The following STAG3 variants were observed in gnomAD, a reference collection of about 807,000 sequenced individuals.
STAG3 encodes the protein cohesin subunit SA-3.
In STAG3, 101 loss-of-function variants were observed where a neutral mutation model predicts 160.7. That is an observed-to-expected ratio of 0.63 (90% CI 0.54 to 0.74). STAG3 has a LOEUF of 0.74. STAG3 is among the 30% of genes least tolerant of loss of function. The pLI, the probability that STAG3 is intolerant of heterozygous loss-of-function variation, is 0.00. For missense variants in STAG3, 1,188 were observed against 1,517.4 expected (o/e 0.78, Z 3.61); for synonymous variants, 519 against 585.0 (o/e 0.89, Z 1.63).
rs373884932 is a variant in STAG3 at position 100,198,827 on chromosome 7, G to T, written c.1353-16G>T. 1 of 1,605,588 alleles carries T rather than the reference G, an allele frequency of 6.2e-7. No homozygotes were observed. The highest frequency in any genetic ancestry group is 1.3e-5 in the African/African-American group (1 of 74,742). ...TCCTGTTGTGCTGAGCCCTTTCCTC[G>T]TGTCCATTCCACCAGACTCTTCTAC... is the stretch of plus-strand genomic sequence containing the variant. On this transcript the variant is annotated splice_polypyrimidine_tract_variant and intron_variant, in intron 13 of 33. Transcript: ENST00000615138.
chr7:100,199,209 G>A (rs1800901696), intron 14 of STAG3, 53 bp from the exon 15 acceptor site: 6 of 1,221,318 alleles, frequency 4.9e-6, no homozygotes, highest in Non-Finnish European at 7.3e-6. Flanking sequence ...TAACCACTTC[G>A]TAGGGTATTT....
At chr7:100,213,201 C>CTGCG in intron 32 of STAG3, 1 of 574,384 alleles carries the variant, frequency 1.7e-6, no homozygotes, top group Non-Finnish European at 2.2e-6. Flanking sequence ...TCCATGAGGG[C>CTGCG]TGCACCCCTA....
chr7:100,195,823 A>G (rs1411041273), intron 9 of STAG3, among the ~76,000 whole-genome samples: 1 of 152,166 alleles, frequency 6.6e-6, no homozygotes, highest in East Asian at 1.9e-4. Context: ...GACCTGATCA[A>G]ATTAAGTTAA....
At chr7:100,217,640 CA>C (rs1201548647), downstream of STAG3, among the ~76,000 whole-genome samples, 1 of 151,990 alleles carries the variant, frequency 6.6e-6, no homozygotes, top group East Asian at 1.9e-4. Flanking sequence ...GTATTCAAGG[CA>C]AAGGGGGCAG....
At position 100,214,024 on chromosome 7, in the gene STAG3, T is replaced by C. The variant is rs1412159198; in HGVS notation, c.*9T>C. 1 of 1,614,048 alleles carries C rather than the reference T, an allele frequency of 6.2e-7. No individual in the cohort carries two copies. The highest frequency in any genetic ancestry group is 1.3e-5 in the African/African-American group (1 of 74,922). Reference sequence around the variant, plus strand: ...CATTATAGGATTTCTGACAGGACTCTGGGCCCCTCCCCAGCTCCACTCCCT... The same window carrying C: ...CATTATAGGATTTCTGACAGGACTCCGGGCCCCTCCCCAGCTCCACTCCCT... On this transcript the variant is annotated 3_prime_UTR_variant, in exon 34 of 34. Transcript: ENST00000615138.
chr7:100,202,164 C>G lies in STAG3; in HGVS notation c.2395-8C>G. ...TCCTTTTAAACATCCTTTCTTTTCC[C>G]CCTACAGGCTTTTGTCTTATTAAGT... On this transcript the variant is annotated splice_polypyrimidine_tract_variant and splice_region_variant and intron_variant, in intron 23 of 33. Coordinates refer to ENST00000615138, the MANE Select transcript of STAG3 (RefSeq NM_001282717.2). 6.2e-7 allele frequency: 1 copy of G among 1,610,876 alleles called. No homozygotes were observed. The highest frequency in any genetic ancestry group is 8.5e-7 in the Non-Finnish European group (1 of 1,178,518).
chr7:100,183,167 C>T (rs577307892), intron 4 of STAG3, among the ~76,000 whole-genome samples: 2 of 152,308 alleles, frequency 1.3e-5, no homozygotes, highest in South Asian at 4.1e-4. Flanking sequence ...GCGTGTGCCA[C>T]CACGCCCAGC....
chr7:100,211,308 A>C, intron 30 of STAG3, 123 bp downstream of exon 30: 1 of 1,476,126 alleles, frequency 6.8e-7, no homozygotes, highest in Non-Finnish European at 9.2e-7. Flanking sequence ...GTTCTTCTCA[A>C]ACCCTTCTCC....
chr7:100,197,918 T>C, intron 11 of STAG3, 42 bp downstream of exon 11: 1 of 1,576,370 alleles, frequency 6.3e-7, no homozygotes, highest in Non-Finnish European at 8.7e-7. Flanking sequence ...TTTGTCGTGG[T>C]TCCTATTTCC....
downstream of STAG3, among the ~76,000 whole-genome samples, chr7:100,216,393 A>G (rs900474397): frequency 1.3e-5 from 2 of 152,238 alleles, no homozygotes; most frequent in African/African-American, 4.8e-5. Flanking sequence ...GTGTTTTAAA[A>G]TATTTCATTG....
rs771235625 is a variant in STAG3 at position 100,189,569 on chromosome 7, G to A, written c.840G>A (p.Leu280=). 4.3e-6 allele frequency: 7 copies of A among 1,613,686 alleles called. No individual in the cohort carries two copies. Among genetic ancestry groups the A allele is most frequent in the Admixed American group, 3.3e-5 (2 of 59,880 alleles). The part of the protein sequence containing the change: ...KGPGQRAPER[L]ESLLEKRKEL... ...CAGGGCAGAGGGCACCTGAGCGGCTGGAGAGCCTGTTGGAGAAACGCAAAG... is the reference window on the plus strand; with the variant it reads ...CAGGGCAGAGGGCACCTGAGCGGCTAGAGAGCCTGTTGGAGAAACGCAAAG... The change falls in exon 8 of 34, where the codon CTG becomes CTA. Residue 280 remains leucine, a synonymous_variant. Coordinates refer to ENST00000615138, the MANE Select transcript of STAG3 (RefSeq NM_001282717.2).
At position 100,205,195 on chromosome 7, in the gene STAG3, C is replaced by T. The variant is rs375370874; in HGVS notation, c.3081-32C>T. 2.5e-6 allele frequency: 4 copies of T among 1,613,334 alleles called. No homozygotes were observed. In the African/African-American group the frequency reaches 5.3e-5, roughly 22 times the overall value. ...AGGGCCTGCTGAGGGCCCAGTAGCC[C>T]CTTCAGGCTTTTGGTTCTACCTCTT... On this transcript the variant is annotated intron_variant, in intron 28 of 33. Transcript: ENST00000615138.
chr7:100,199,235 T>A (rs757919322), intron 14 of STAG3, 27 bp from the exon 15 acceptor site: 5 of 1,480,172 alleles, frequency 3.4e-6, no homozygotes, highest in Non-Finnish European at 4.7e-6. Flanking sequence ...ATGCTATCAT[T>A]AACTCCCCAT....
Position 100,211,461 on chromosome 7 carries a change from G to T in STAG3, c.3440G>T (p.Arg1147Met), listed in dbSNP as rs1802197374. Reference protein sequence around the residue: ...QGSQPVAGTERSRFLGPQYFQ... With the variant: ...QGSQPVAGTEMSRFLGPQYFQ... ...AGTCAGCCCGTCGCAGGCACCGAGA[G>T]GTCAAGGTTCTTGGGTCCACAATAT... Residue 1147 changes from arginine to methionine, a missense_variant, in exon 31 of 34, where the codon AGG (arginine) becomes ATG (methionine). This residue lies in a region of STAG3 where 647 missense variants were observed against 717.2 expected (regional missense o/e 0.90). Transcript: ENST00000615138. The T allele has an allele frequency of 3.1e-6, 5 of 1,613,952 alleles. No individual in the cohort carries two copies. The highest frequency in any genetic ancestry group is 3.4e-6 in the Non-Finnish European group (4 of 1,180,002).
At chr7:100,209,637 A>G (rs930615549) in intron 29 of STAG3, among the ~76,000 whole-genome samples, 2 of 152,182 alleles carry the variant, frequency 1.3e-5, no homozygotes, top group African/African-American at 4.8e-5. Flanking sequence ...GGAGACCAGC[A>G]GGGAGGTTGT....
downstream of STAG3, chr7:100,218,533 T>A: frequency 3.4e-6 from 1 of 297,112 alleles, no homozygotes; most frequent in Admixed American, 4.8e-5. Context: ...TTTTTTAACT[T>A]GCACTGTGGC....
downstream of STAG3, among the ~76,000 whole-genome samples, chr7:100,217,614 C>A (rs186428459): frequency 1.6e-3 from 245 of 152,046 alleles, 1 homozygote; most frequent in Non-Finnish European, 1.7e-3. Flanking sequence ...AATGCCTGAC[C>A]GCGCTGCTAT....
At position 100,178,028 on chromosome 7, in the gene STAG3, G is replaced by T. The variant is rs78325712; in HGVS notation, c.-65+23G>T. ...GAGGTGGGGACCTTCCCTGAACCCT[G>T]CTCGGCCAGAAGTCACTCTTCCAGG... On this transcript the variant is annotated intron_variant, in intron 1 of 33. Transcript: ENST00000615138. 4.5e-4 allele frequency: 68 copies of T among 151,608 alleles called. 1 individual carries two copies. The East Asian group carries it at 0.013, about 28-fold the overall frequency. The allele number at this position is 151,608 out of a possible 1,614,324, so 9.4% of individuals were successfully genotyped here.
In STAG3 at chr7:100,210,997, C is replaced by T; in HGVS notation, c.3239-14C>T. The T allele has an allele frequency of 3.7e-6, 6 of 1,610,534 alleles. No homozygotes were observed. Among genetic ancestry groups the T allele is most frequent in the African/African-American group, 2.7e-5 (2 of 74,872 alleles). ...GGCCCTGGGCTGTGGTTAATGTATGCATCTGCTTGGCAGGGCCTGCCAAGC... is the reference window on the plus strand; with the variant it reads ...GGCCCTGGGCTGTGGTTAATGTATGTATCTGCTTGGCAGGGCCTGCCAAGC... On this transcript the variant is annotated splice_polypyrimidine_tract_variant and intron_variant, in intron 29 of 33. Coordinates refer to ENST00000615138, the MANE Select transcript of STAG3 (RefSeq NM_001282717.2).
Sources: allele counts gnomAD v4.1 joint callset (sites outside exome capture counted in the v4.1 genomes callset), GRCh38; gene constraint gnomAD v4.1.1; regional missense constraint gnomAD v4.1.1; transcripts MANE v1.5; gene names NCBI Gene and HGNC (gene_info 2026-07-23, HGNC 2026-07-21).